The following KCTD20 variants were observed in gnomAD, a reference collection of about 807,000 sequenced individuals.
The protein encoded by KCTD20 is BTB/POZ domain-containing protein KCTD20.
A neutral mutation model predicts 39.6 loss-of-function variants in KCTD20; 30 were observed. The ratio of observed to expected loss-of-function variants is 0.76; its 90% CI spans 0.57 to 1.03. KCTD20 has a LOEUF of 1.03. KCTD20 is among the 50% of genes least tolerant of loss of function. KCTD20 has a pLI of 0.00. For synonymous variants in KCTD20, 162 were observed against 180.6 expected (o/e 0.90, Z 0.83); for missense variants, 422 against 522.0 (o/e 0.81, Z 1.87).
At chr6:36,465,428 T>C (rs1775720948) in intron 1 of KCTD20, among the ~76,000 whole-genome samples, 1 of 151,250 alleles carries the variant, frequency 6.6e-6, no homozygotes, top group African/African-American at 2.4e-5. Context: ...TGGTAGGATA[T>C]TGAATTTATT....
chr6:36,455,979 T>C (rs921002329), intron 1 of KCTD20, among the ~76,000 whole-genome samples: 1 of 152,228 alleles, frequency 6.6e-6, no homozygotes, highest in African/African-American at 2.4e-5. Context: ...ATACATAAAA[T>C]TGACCATCAC....
chr6:36,443,340 C>T (rs1258687525), intron 1 of KCTD20: 1 of 152,224 alleles, frequency 6.6e-6, no homozygotes, highest in African/African-American at 2.4e-5. Flanking sequence ...TCTGGTGATC[C>T]TGGGGAGGGA....
At position 36,473,728 on chromosome 6, in the gene KCTD20, G is replaced by A. The variant is rs532020054; in HGVS notation, c.161-1061G>A. ...GCGGAGCTTGCAGTGAGCTGAGATC[G>A]CGCCACTGCACTCCAGCCTGGGCGA... On this transcript the variant is annotated intron_variant, in intron 2 of 7. Transcript: ENST00000373731. Among the ~76,000 whole-genome samples the A allele has an allele frequency of 3.0e-3, 458 of 152,050 alleles. 3 individuals are homozygous for A. Among genetic ancestry groups the A allele is most frequent in the African/African-American group, 9.8e-3 (406 of 41,470 alleles).
intron 2 of KCTD20, among the ~76,000 whole-genome samples, chr6:36,470,487 C>G (rs932090017): frequency 6.6e-6 from 1 of 152,162 alleles, no homozygotes; most frequent in African/African-American, 2.4e-5. Flanking sequence ...CAAAAACAGC[C>G]ACAGGTTTGG....
intron 1 of KCTD20, among the ~76,000 whole-genome samples, chr6:36,444,143 C>A (rs1288301270): frequency 6.6e-6 from 1 of 152,138 alleles, no homozygotes; most frequent in African/African-American, 2.4e-5. Context: ...AAATTTGATT[C>A]TAGAGATTTG....
In KCTD20 at chr6:36,475,128, T is replaced by G; in HGVS notation, c.434+66T>G. 8.0e-6 allele frequency: 12 copies of G among 1,503,986 alleles called. No homozygotes were observed. The South Asian group carries it at 1.3e-4, about 16-fold the overall frequency. 93.2% of individuals were successfully genotyped at this position (1,503,986 alleles called of 1,614,324 possible). A position where few individuals can be genotyped will look rare whatever the true frequency, so the allele number is the denominator to read the frequency against. On this transcript the variant is annotated intron_variant, in intron 3 of 7. Coordinates refer to ENST00000373731, the MANE Select transcript of KCTD20 (RefSeq NM_173562.5). ...TATAAATAAAAATACCTGCTGTTTATCTTGCATTAGATATAACAGTAAAAA... is the reference window on the plus strand; with the variant it reads ...TATAAATAAAAATACCTGCTGTTTAGCTTGCATTAGATATAACAGTAAAAA...
In KCTD20 at chr6:36,484,751, T is replaced by C. The variant is rs1254508503; in HGVS notation, c.894T>C (p.Tyr298=). 6.2e-7 allele frequency: 1 copy of C among 1,605,756 alleles called. No individual in the cohort carries two copies. Among genetic ancestry groups the C allele is most frequent in the Admixed American group, 1.7e-5 (1 of 59,486 alleles). The part of the protein sequence containing the change: ...YSSKLYRFFK[Y]IENRDVAKTV... ...CCAAGCTCTACAGATTCTTCAAATATATTGAGAATAGGGATGTTGCAAAAA... is the reference window on the plus strand; with the variant it reads ...CCAAGCTCTACAGATTCTTCAAATACATTGAGAATAGGGATGTTGCAAAAA... Residue 298 remains tyrosine, a synonymous_variant, in exon 7 of 8, where the codon TAT becomes TAC. Coordinates refer to ENST00000373731, the MANE Select transcript of KCTD20 (RefSeq NM_173562.5).
At chr6:36,445,253 C>T (rs1446528741) in intron 1 of KCTD20, among the ~76,000 whole-genome samples, 1 of 130,776 alleles carries the variant, frequency 7.6e-6, no homozygotes, top group African/African-American at 3.0e-5. Context: ...CAGAGTGAGA[C>T]TCCGTCTCAA....
chr6:36,487,222 T>C lies in KCTD20; in HGVS notation c.*47T>C, dbSNP rs1776454393. 8.3e-6 allele frequency: 13 copies of C among 1,561,552 alleles called. No homozygotes were observed. The highest frequency in any genetic ancestry group is 1.1e-5 in the Non-Finnish European group (13 of 1,151,134). On this transcript the variant is annotated 3_prime_UTR_variant, in exon 8 of 8. Transcript: ENST00000373731. ...TTGTTGGAGCCCATCTCACCTGGGA[T>C]GCCTGCAGCCAGCCCTCCCTCGTGA... is the stretch of plus-strand genomic sequence containing the variant.
intron 1 of KCTD20, among the ~76,000 whole-genome samples, chr6:36,450,487 CAAA>C (rs56825740): frequency 8.2e-6 from 1 of 122,380 alleles, no homozygotes; most frequent in African/African-American, 2.9e-5. Flanking sequence ...GACTCTGTCT[CAAA>C]AAAAAAAAAA....
At chr6:36,450,523 T>C (rs1465170634) in intron 1 of KCTD20, among the ~76,000 whole-genome samples, 1 of 151,812 alleles carries the variant, frequency 6.6e-6, no homozygotes, top group East Asian at 1.9e-4. Flanking sequence ...TGTTGGGTAA[T>C]CTGAATGCTC....
chr6:36,454,161 G>C (rs1202980880), intron 1 of KCTD20, among the ~76,000 whole-genome samples: 2 of 152,138 alleles, frequency 1.3e-5, no homozygotes, highest in South Asian at 4.1e-4. Flanking sequence ...TGCAAATTTG[G>C]TTAATTTATG....
In KCTD20 at chr6:36,489,577, C is replaced by T. The variant is rs1191; in HGVS notation, c.*2402C>T. On this transcript the variant is annotated 3_prime_UTR_variant, in exon 8 of 8. Transcript: ENST00000373731. The stretch of plus-strand genomic sequence containing the variant: ...ACCCTCCACCTAGAGCTCACCCAAG[C>T]CTGCTCCAGTCCCAGGGGCAGGCCA... 35,995 of 152,128 alleles carry T rather than the reference C, an allele frequency of 0.24. 4,488 individuals are homozygous for T. Among genetic ancestry groups the T allele is most frequent in the East Asian group, 0.39 (2,010 of 5,166 alleles). The allele number at this position is 152,128 out of a possible 1,614,324, so 9.4% of individuals were successfully genotyped here. A position where few individuals can be genotyped will look rare whatever the true frequency, so the allele number is the denominator to read the frequency against.
intron 1 of KCTD20, among the ~76,000 whole-genome samples, chr6:36,453,518 T>G (rs1189341533): frequency 2.8e-5 from 4 of 141,738 alleles, no homozygotes; most frequent in Non-Finnish European, 6.1e-5. Flanking sequence ...TTGTTTTTTG[T>G]TTTTTTTTTT....
At chr6:36,485,477 G>A (rs139832460) in intron 7 of KCTD20, among the ~76,000 whole-genome samples, 1 of 149,078 alleles carries the variant, frequency 6.7e-6, no homozygotes, top group Non-Finnish European at 1.5e-5. Flanking sequence ...TCTCTCCTAC[G>A]TGGAGTGGAT....
rs1399085580 is a variant in KCTD20, at chr6:36,470,258, G to A, written c.160+1G>A. On this transcript the variant is annotated splice_donor_variant, in intron 2 of 7. Coordinates refer to ENST00000373731, the MANE Select transcript of KCTD20 (RefSeq NM_173562.5). LOFTEE classifies it high-confidence loss of function. ...TATCCTCTAGGTCCCAGGAATGAAGGTACAGTGATTAACTCTTGACTTAAT... is the reference window on the plus strand; with the variant it reads ...TATCCTCTAGGTCCCAGGAATGAAGATACAGTGATTAACTCTTGACTTAAT... 6.2e-7 allele frequency: 1 copy of A among 1,605,492 alleles called. No individual in the cohort carries two copies.
chr6:36,463,571 C>T (rs938802654), intron 1 of KCTD20, among the ~76,000 whole-genome samples: 4 of 152,150 alleles, frequency 2.6e-5, no homozygotes, highest in African/African-American at 9.7e-5. Context: ...ACTTAAACCC[C>T]CAAGGTGATA....
At position 36,453,505 on chromosome 6, in the gene KCTD20, GTTTTGTT is replaced by G. The variant is rs1246367489; in HGVS notation, c.-47+10406_-47+10412del. On this transcript the variant is annotated intron_variant, in intron 1 of 7. Coordinates refer to ENST00000373731, the MANE Select transcript of KCTD20 (RefSeq NM_173562.5). ...TTATTGTTTTTCATTCTTTTCTAATGTTTTGTTTTTTGTTTTTTTTTTTTTTGAGACG... is the reference window on the plus strand; with the variant it reads ...TTATTGTTTTTCATTCTTTTCTAATGTTTTGTTTTTTTTTTTTTTGAGACG... Among the ~76,000 whole-genome samples, 235 of 147,726 alleles carry G rather than the reference GTTTTGTT, an allele frequency of 1.6e-3. 2 individuals carry two copies. The highest frequency in any genetic ancestry group is 5.2e-3 in the African/African-American group (208 of 40,382).
In KCTD20 at chr6:36,470,053, AT is replaced by A. The variant is rs893285508; in HGVS notation, c.-42del. 4 of 1,492,696 alleles carry A rather than the reference AT, an allele frequency of 2.7e-6. No homozygotes were observed. The Admixed American group carries it at 8.0e-5, about 30-fold the overall frequency. The allele number at this position is 1,492,696 out of a possible 1,614,324, so 92.5% of individuals were successfully genotyped here. A position where few individuals can be genotyped will look rare whatever the true frequency, so the allele number is the denominator to read the frequency against. ...ATCATGCATATTCCTGTGTTCCAGG[AT>A]TTCTCTCTGATCAAACGGACAGTTC... On this transcript the variant is annotated splice_region_variant and 5_prime_UTR_variant, in exon 2 of 8. Transcript: ENST00000373731.
Sources: allele counts gnomAD v4.1 joint callset (sites outside exome capture counted in the v4.1 genomes callset), GRCh38; gene constraint gnomAD v4.1.1; transcripts MANE v1.5; gene names NCBI Gene and HGNC (gene_info 2026-07-23, HGNC 2026-07-21).